The following BLTP1 variants were observed in gnomAD, a reference collection of about 807,000 sequenced individuals.
BLTP1 encodes bridge-like lipid transfer protein family member 1.
chr4:122,199,245 T>G, the BLTP1 span: 2 of 1,426,392 alleles, frequency 1.4e-6, no homozygotes, highest in Non-Finnish European at 1.9e-6. Context: ...AAATAGTGAC[T>G]ACCATTTTTC....
the BLTP1 span, chr4:122,347,861 C>T: frequency 2.1e-4 from 191 of 897,968 alleles, no homozygotes; most frequent in Admixed American, 3.1e-4. Flanking sequence ...TCAGCCCTAA[C>T]TATAGGAAAA....
chr4:122,243,488 C>A, the BLTP1 span: 3 of 959,686 alleles, frequency 3.1e-6, no homozygotes, highest in African/African-American at 5.3e-5. Context: ...CACCTGTAAT[C>A]CCAGCATTTT....
the BLTP1 span, among the ~76,000 whole-genome samples, chr4:122,345,737 A>G: frequency 6.6e-6 from 1 of 152,050 alleles, no homozygotes; most frequent in Non-Finnish European, 1.5e-5. Flanking sequence ...GAAAGACAGG[A>G]AAGAAAAGAT....
At chr4:122,174,771 T>A in the BLTP1 span, 4 of 776,702 alleles carry the variant, frequency 5.1e-6, no homozygotes, top group Middle Eastern at 4.2e-4. Flanking sequence ...CTAAATCAAA[T>A]TTTTTTTTCC....
the BLTP1 span, chr4:122,219,550 C>T: frequency 6.2e-7 from 1 of 1,613,500 alleles, no homozygotes; most frequent in Admixed American, 1.7e-5. Context: ...GTACAAAGTT[C>T]ATGGGCGTCT....
chr4:122,263,333 T>A, the BLTP1 span: 2 of 1,423,586 alleles, frequency 1.4e-6, no homozygotes, highest in Admixed American at 3.1e-5. Context: ...TTCAAAACCA[T>A]CTGCAAACAT....
chr4:122,304,699 C>T, the BLTP1 span: 12 of 1,499,276 alleles, frequency 8.0e-6, no homozygotes, highest in East Asian at 7.0e-5. Flanking sequence ...GTTTAAAACA[C>T]GACTATTTTA....
At chr4:122,318,700 A>G in the BLTP1 span, among the ~76,000 whole-genome samples, 3 of 152,202 alleles carry the variant, frequency 2.0e-5, no homozygotes, top group African/African-American at 7.2e-5. Context: ...GTGCATTGTA[A>G]TGCACTTTAT....
chr4:122,235,119 T>TC, the BLTP1 span: 2 of 1,135,560 alleles, frequency 1.8e-6, no homozygotes, highest in Non-Finnish European at 2.5e-6. Flanking sequence ...TCAACTCAAT[T>TC]TACTTTGTGT....
At chr4:122,353,519 A>C in the BLTP1 span, among the ~76,000 whole-genome samples, 30 of 152,182 alleles carry the variant, frequency 2.0e-4, no homozygotes, top group Admixed American at 2.0e-3. This position sits in a 1 kb window ranked among gnomAD's most constrained non-coding sequence, Gnocchi z 4.3. Context: ...CTGTGCTTTT[A>C]TCTCTACAGT....
the BLTP1 span, chr4:122,264,107 T>A: frequency 1.6e-6 from 2 of 1,228,342 alleles, no homozygotes; most frequent in Non-Finnish European, 2.1e-6. Flanking sequence ...AACCTAAAAG[T>A]ATGCATTATT....
At chr4:122,187,867 T>A in the BLTP1 span, 1 of 1,557,396 alleles carries the variant, frequency 6.4e-7, no homozygotes, top group Non-Finnish European at 8.6e-7. Flanking sequence ...ATATAATATC[T>A]CTTATCTGTT....
At chr4:122,341,629 CCCT>C in the BLTP1 span, 2 of 931,134 alleles carry the variant, frequency 2.1e-6, no homozygotes, top group African/African-American at 3.6e-5. Context: ...TGAATAGCAC[CCCT>C]CATTTTATCA....
At chr4:122,201,035 A>G in the BLTP1 span, 4 of 1,613,352 alleles carry the variant, frequency 2.5e-6, no homozygotes, top group East Asian at 8.9e-5. Context: ...GCTACCCCCG[A>G]ATATGGAACA....
At chr4:122,282,147 C>T in the BLTP1 span, 2 of 883,888 alleles carry the variant, frequency 2.3e-6, no homozygotes, top group South Asian at 5.2e-5. Flanking sequence ...TTGATTTCTT[C>T]AAAACAGCTA....
the BLTP1 span, chr4:122,197,399 G>C: frequency 1.0e-6 from 1 of 987,204 alleles, no homozygotes; most frequent in African/African-American, 1.7e-5. Context: ...ATTATATTTT[G>C]ATGTGCCTAT....
At chr4:122,286,422 T>C in the BLTP1 span, 6 of 1,492,872 alleles carry the variant, frequency 4.0e-6, no homozygotes, top group Admixed American at 2.3e-5. Flanking sequence ...CTTTCATATA[T>C]TTCAAGATAG....
chr4:122,249,872 T>C, the BLTP1 span: 2 of 984,172 alleles, frequency 2.0e-6, no homozygotes, highest in Non-Finnish European at 2.4e-6. Context: ...TCCTCCATTA[T>C]GTGATTTCCA....
the BLTP1 span, among the ~76,000 whole-genome samples, chr4:122,342,418 C>T: frequency 6.6e-6 from 1 of 151,986 alleles, no homozygotes; most frequent in Non-Finnish European, 1.5e-5. Context: ...TGTAGTGGCG[C>T]CATCTCAGCT....
Sources: gnomAD v4.1 joint callset for allele counts (sites outside exome capture counted in the v4.1 genomes callset) on GRCh38, gnomAD v4.1.1 for gene constraint, Gnocchi (gnomAD v3.1) non-coding constraint, MANE v1.5 for transcripts, NCBI Gene and HGNC (gene_info 2026-07-23, HGNC 2026-07-21) for gene names.